PCDH9: variants seen among roughly 807,000 people sequenced by gnomAD.
The protein encoded by PCDH9 is protocadherin-9.
PCDH9 carries 24 observed loss-of-function variants against 70.6 expected under a neutral mutation model. That is an observed-to-expected ratio of 0.34 (90% CI 0.25 to 0.48). The LOEUF is 0.48. Among genes scored for constraint, PCDH9 ranks in the 20% least tolerant of loss-of-function variants. The probability of loss-of-function intolerance (pLI) is 0.99; values close to 1 mark genes in which losing one functional copy is unlikely to be tolerated. For missense variants in PCDH9, 1,281 were observed against 1,503.6 expected (o/e 0.85, Z 2.45); for synonymous variants, 562 against 558.5 (o/e 1.01, Z -0.09).
chr13:67,183,420 A>G (rs1287838353), intron 2 of PCDH9, among the ~76,000 whole-genome samples: 1 of 152,164 alleles, frequency 6.6e-6, no homozygotes, highest in Non-Finnish European at 1.5e-5. Context: ...TTGAATCTAT[A>G]ACTTCAAACT....
intron 2 of PCDH9, among the ~76,000 whole-genome samples, chr13:67,005,713 T>G (rs1240532300): frequency 6.6e-6 from 1 of 152,206 alleles, no homozygotes; most frequent in African/African-American, 2.4e-5. Context: ...ATTTCCAAAG[T>G]AAAGAAATGC....
At chr13:67,060,830 T>C (rs56915128) in intron 2 of PCDH9, among the ~76,000 whole-genome samples, 15,481 of 152,132 alleles carry the variant, frequency 0.1, 861 homozygotes, top group Non-Finnish European at 0.12. Flanking sequence ...TCCTCATTAC[T>C]AGGAATATAT....
Position 67,091,528 on chromosome 13 carries a change from C to T in PCDH9, c.3036+133877G>A, listed in dbSNP as rs531506942. ...TGTAGATTTTAGCTTATATGCCCAA[C>T]AATCTGAGATGGCAGCCACAGCCTT... On this transcript the variant is annotated intron_variant, in intron 2 of 4. Coordinates refer to ENST00000377865, the MANE Select transcript of PCDH9 (RefSeq NM_203487.3). Among the ~76,000 whole-genome samples, 267 of 152,264 alleles carry T rather than the reference C, an allele frequency of 1.8e-3. 1 individual carries two copies. The highest frequency in any genetic ancestry group is 3.4e-3 in the Non-Finnish European group (229 of 68,006).
At chr13:66,964,031 A>C (rs1276193117) in intron 2 of PCDH9, among the ~76,000 whole-genome samples, 1 of 152,154 alleles carries the variant, frequency 6.6e-6, no homozygotes, top group African/African-American at 2.4e-5. Context: ...AAAACAAATA[A>C]TAGATTAGAT....
At chr13:66,502,890 G>A (rs1304152414) in intron 4 of PCDH9, among the ~76,000 whole-genome samples, 1 of 152,140 alleles carries the variant, frequency 6.6e-6, no homozygotes, top group Non-Finnish European at 1.5e-5. Context: ...AGACCAAGGA[G>A]AAATTTAAGA....
At chr13:67,173,091 T>TA (rs1341947163) in intron 2 of PCDH9, among the ~76,000 whole-genome samples, 1 of 151,998 alleles carries the variant, frequency 6.6e-6, no homozygotes, top group African/African-American at 2.4e-5. Flanking sequence ...AAATACCAAT[T>TA]AAAAAAATTT....
chr13:66,847,667 G>A (rs562045588), intron 3 of PCDH9, among the ~76,000 whole-genome samples: 1 of 152,190 alleles, frequency 6.6e-6, no homozygotes, highest in South Asian at 2.1e-4. Context: ...TGAAGTGCCA[G>A]CATCACTACT....
At position 66,935,224 on chromosome 13, in the gene PCDH9, T is replaced by C. The variant is rs371235130; in HGVS notation, c.3037-31619A>G. Among the ~76,000 whole-genome samples, 6 of 152,076 alleles carry C rather than the reference T, an allele frequency of 3.9e-5. No individual in the cohort carries two copies. The East Asian group carries it at 7.8e-4, about 20-fold the overall frequency. Reference sequence around the variant, plus strand: ...TACAGGCATGCACCATGCCTGACTATTTTTTAATTTTTGTAGTGACGAGAT... The same window carrying C: ...TACAGGCATGCACCATGCCTGACTACTTTTTAATTTTTGTAGTGACGAGAT... On this transcript the variant is annotated intron_variant, in intron 2 of 4. Coordinates refer to ENST00000377865, the MANE Select transcript of PCDH9 (RefSeq NM_203487.3).
intron 2 of PCDH9, among the ~76,000 whole-genome samples, chr13:66,983,780 C>T (rs761147917): frequency 1.3e-5 from 2 of 151,622 alleles, no homozygotes; most frequent in Admixed American, 6.6e-5. Context: ...ATTTTGTGAC[C>T]GAGGAGGTGC....
intron 3 of PCDH9, among the ~76,000 whole-genome samples, chr13:66,698,307 A>G (rs547767763): frequency 6.6e-6 from 1 of 152,348 alleles, no homozygotes; most frequent in African/African-American, 2.4e-5. Flanking sequence ...CAACAAAAAA[A>G]TACCTCTGAA....
intron 2 of PCDH9, among the ~76,000 whole-genome samples, chr13:67,058,551 T>G (rs1221938019): frequency 6.6e-6 from 1 of 152,172 alleles, no homozygotes; most frequent in Admixed American, 6.6e-5. Flanking sequence ...AACTTATAAC[T>G]ACACATACTT....
intron 2 of PCDH9, among the ~76,000 whole-genome samples, chr13:67,126,280 C>T (rs925580057): frequency 2.6e-5 from 4 of 152,012 alleles, no homozygotes; most frequent in Non-Finnish European, 5.9e-5. Context: ...TAGAGTGAAA[C>T]TTTATCTCTT....
intron 4 of PCDH9, among the ~76,000 whole-genome samples, chr13:66,548,539 T>C (rs2138674239): frequency 6.6e-6 from 1 of 152,140 alleles, no homozygotes; most frequent in East Asian, 1.9e-4. Flanking sequence ...CACTACAGCC[T>C]GGGTGACAGA....
chr13:67,086,562 G>A (rs1003834665), intron 2 of PCDH9, among the ~76,000 whole-genome samples: 1 of 152,128 alleles, frequency 6.6e-6, no homozygotes, highest in Non-Finnish European at 1.5e-5. Flanking sequence ...ACCAGGAAAC[G>A]AAGTGATAAC....
At chr13:66,755,061 CT>C (rs928678032) in intron 3 of PCDH9, among the ~76,000 whole-genome samples, 10 of 152,248 alleles carry the variant, frequency 6.6e-5, no homozygotes, top group African/African-American at 2.4e-4. Flanking sequence ...TTTACTTCCT[CT>C]ATCCAAAGCC....
chr13:67,074,634 T>C (rs2085841415), intron 2 of PCDH9, among the ~76,000 whole-genome samples: 1 of 152,132 alleles, frequency 6.6e-6, no homozygotes, highest in African/African-American at 2.4e-5. Context: ...TATAATGTTA[T>C]CTACGGAAAG....
At chr13:66,610,980 G>T (rs534374125) in intron 4 of PCDH9, among the ~76,000 whole-genome samples, 1 of 152,182 alleles carries the variant, frequency 6.6e-6, no homozygotes, top group South Asian at 2.1e-4. Context: ...CTTGACTGAA[G>T]CAGTTTCCTT....
At chr13:66,781,755 T>C (rs1254753727) in intron 3 of PCDH9, among the ~76,000 whole-genome samples, 1 of 152,134 alleles carries the variant, frequency 6.6e-6, no homozygotes, top group Non-Finnish European at 1.5e-5. Flanking sequence ...TGTCATCCAA[T>C]CTAAAATATA....
chr13:66,368,947 A>T (rs1429354746), intron 4 of PCDH9, among the ~76,000 whole-genome samples: 1 of 151,776 alleles, frequency 6.6e-6, no homozygotes, highest in Non-Finnish European at 1.5e-5. Flanking sequence ...GGATTCAACT[A>T]CCCCCACACC....
Sources: allele counts gnomAD v4.1 joint callset (sites outside exome capture counted in the v4.1 genomes callset), GRCh38; gene constraint gnomAD v4.1.1; transcripts MANE v1.5; gene names NCBI Gene and HGNC (gene_info 2026-07-23, HGNC 2026-07-21).